Variants in TJP3 observed in about 807,000 individuals in gnomAD.
The protein encoded by TJP3 is tight junction protein 3.
In TJP3, 85 loss-of-function variants were observed where a neutral mutation model predicts 104.2. The ratio of observed to expected loss-of-function variants is 0.82; its 90% CI spans 0.68 to 0.98. TJP3 has a LOEUF of 0.98. Ranked by LOEUF, TJP3 falls within the 50% of genes least tolerant of loss-of-function variation. The probability of loss-of-function intolerance (pLI) is 0.00; values close to 1 mark genes in which losing one functional copy is unlikely to be tolerated. For missense variants in TJP3, 1,367 were observed against 1,322.8 expected, an observed-to-expected ratio of 1.03 and a Z score of -0.52; for synonymous variants, 550 against 550.6, an observed-to-expected ratio of 1.00 and a Z score of 0.02.
rs113962242 is a variant in TJP3, at chr19:3,716,229, C to T, written c.-10+7668C>T. On this transcript the variant is annotated intron_variant, in intron 1 of 20. Coordinates refer to ENST00000541714, the MANE Select transcript of TJP3 (RefSeq NM_001267560.2). ...CAGGGATTACAGGTGCCTGTCACTA[C>T]GCCCAGCTAATTTCTGTATTTTGAG... Among the ~76,000 whole-genome samples, 78 of 148,152 alleles carry T rather than the reference C, an allele frequency of 5.3e-4. 1 individual carries two copies. Among genetic ancestry groups the T allele is most frequent in the African/African-American group, 1.8e-3 (75 of 41,300 alleles).
In TJP3 at chr19:3,750,632, C is replaced by T. The variant is rs771758049; in HGVS notation, c.2708C>T (p.Ala903Val). The change falls in exon 21 of 21, where the codon GCG (alanine) becomes GTG (valine). Residue 903 changes from alanine (A) to valine (V), a missense_variant. Transcript: ENST00000541714. ...AAAAAGTTTATGCGAGTACATGATG[C>T]GGAGTCCTCCGATGAAGACGGCTAT... Reference protein sequence around the residue: ...LKKKFMRVHDAESSDEDGYDW... With the variant: ...LKKKFMRVHDVESSDEDGYDW... 66 of 1,608,556 alleles carry T rather than the reference C, an allele frequency of 4.1e-5. No individual in the cohort carries two copies. The highest frequency in any genetic ancestry group is 1.4e-4 in the Admixed American group (8 of 59,102).
intron 19 of TJP3, among the ~76,000 whole-genome samples, chr19:3,749,322 CCTAT>C (rs2036957358): frequency 6.6e-6 from 1 of 151,988 alleles, no homozygotes; most frequent in Non-Finnish European, 1.5e-5. Flanking sequence ...TTGAACTTGA[CCTAT>C]CTAATTTATA....
chr19:3,724,590 G>C (rs955604694), intron 1 of TJP3, among the ~76,000 whole-genome samples: 7 of 152,190 alleles, frequency 4.6e-5, no homozygotes, highest in African/African-American at 1.4e-4. Flanking sequence ...AGGCTGGAGT[G>C]CAGAGGCACG....
chr19:3,715,202 G>A (rs2036466330), intron 1 of TJP3, among the ~76,000 whole-genome samples: 1 of 151,426 alleles, frequency 6.6e-6, no homozygotes, highest in African/African-American at 2.4e-5. Context: ...CCATTCTCCT[G>A]CCTCAGCCTC....
chr19:3,738,471 T>A (rs1186979822), intron 11 of TJP3, 84 bp from the exon 12 acceptor site: 2 of 1,251,068 alleles, frequency 1.6e-6, no homozygotes, highest in Non-Finnish European at 2.3e-6. Flanking sequence ...TGGGGCTGAG[T>A]TTTGCCCAGA....
At position 3,750,769 on chromosome 19, in the gene TJP3, A is replaced by T; in HGVS notation, c.*85A>T. Reference sequence around the variant, plus strand: ...TTTCCCATACAGAACCCACAACCTTACCTCCCTCCGCCTGGTCTTTAATAA... The same window carrying T: ...TTTCCCATACAGAACCCACAACCTTTCCTCCCTCCGCCTGGTCTTTAATAA... On this transcript the variant is annotated 3_prime_UTR_variant, in exon 21 of 21. Coordinates refer to ENST00000541714, the MANE Select transcript of TJP3 (RefSeq NM_001267560.2). 1 of 1,201,702 alleles carries T rather than the reference A, an allele frequency of 8.3e-7. No homozygotes were observed. Among genetic ancestry groups the T allele is most frequent in the Non-Finnish European group, 1.2e-6 (1 of 834,392 alleles). The allele number at this position is 1,201,702 out of a possible 1,614,324, so 74.4% of individuals were successfully genotyped here. A position where few individuals can be genotyped will look rare whatever the true frequency, so the allele number is the denominator to read the frequency against.
intron 1 of TJP3, chr19:3,721,693 G>C (rs925626362): frequency 2.7e-6 from 1 of 364,044 alleles, no homozygotes; most frequent in Non-Finnish European, 4.9e-6. Flanking sequence ...TCTGGGCAGG[G>C]GCGGGGCTGA....
At chr19:3,710,039 C>T (rs927012026) in intron 1 of TJP3, among the ~76,000 whole-genome samples, 3 of 151,392 alleles carry the variant, frequency 2.0e-5, no homozygotes, top group African/African-American at 2.4e-5. Flanking sequence ...ATCCCAGCTA[C>T]TCCGGAGGCT....
chr19:3,735,735 A>G (rs2036729832), intron 9 of TJP3, 96 bp downstream of exon 9: 13 of 1,586,562 alleles, frequency 8.2e-6, no homozygotes, highest in Non-Finnish European at 1.0e-5. Flanking sequence ...GCCTGAGCCT[A>G]AGTGGTGAGA....
At position 3,730,792 on chromosome 19, in the gene TJP3, T is replaced by C; in HGVS notation, c.613+86T>C. ...GGGCGACGGTTTCAAGTGATTCTCC[T>C]GCCTCAGCCTCCCTGGTGGCTGGGA... On this transcript the variant is annotated intron_variant, in intron 5 of 20. Transcript: ENST00000541714. The surrounding 1 kb of genome is among the most constrained non-coding windows in gnomAD (Gnocchi z 7.3). The C allele has an allele frequency of 7.2e-7, 1 of 1,394,364 alleles. No individual in the cohort carries two copies. Among genetic ancestry groups the C allele is most frequent in the African/African-American group, 1.5e-5 (1 of 67,728 alleles). The allele number at this position is 1,394,364 out of a possible 1,614,324, so 86.4% of individuals were successfully genotyped here.
chr19:3,747,192 C>T (rs1424101280), intron 18 of TJP3, among the ~76,000 whole-genome samples: 1 of 151,904 alleles, frequency 6.6e-6, no homozygotes. Context: ...TCCCGAGTAG[C>T]TGGGACTACA....
rs2036561152 is a variant in TJP3, at chr19:3,723,172, G to C, written c.-9-5252G>C. 1.3e-5 allele frequency among the ~76,000 whole-genome samples: 2 copies of C among 152,202 alleles called. 1 individual carries two copies. The highest frequency in any genetic ancestry group is 4.1e-4 in the South Asian group (2 of 4,830). On this transcript the variant is annotated intron_variant, in intron 1 of 20. Transcript: ENST00000541714. ...CCAGGGGCCCATCCCTGCCCATCGG[G>C]AGCGCTCAGACTGAGGGGGAAGGTG...
At chr19:3,733,317 T>G (rs910206163) in intron 6 of TJP3, among the ~76,000 whole-genome samples, 26 of 152,200 alleles carry the variant, frequency 1.7e-4, no homozygotes, top group Admixed American at 1.4e-3. Flanking sequence ...ATTACAGGCG[T>G]GAGCCACCGC....
At chr19:3,716,017 G>A (rs1303793761) in intron 1 of TJP3, among the ~76,000 whole-genome samples, 2 of 151,724 alleles carry the variant, frequency 1.3e-5, no homozygotes, top group Non-Finnish European at 2.9e-5. Flanking sequence ...GACCTCACGT[G>A]ATCCACCCAC....
intron 6 of TJP3, among the ~76,000 whole-genome samples, chr19:3,732,756 C>T (rs7252411): frequency 2.6e-5 from 4 of 151,512 alleles, no homozygotes; most frequent in Admixed American, 6.6e-5. Flanking sequence ...TGATCCCCCC[C>T]GCTCGGCCTC....
At chr19:3,713,184 T>A (rs146666008) in intron 1 of TJP3, among the ~76,000 whole-genome samples, 2 of 152,214 alleles carry the variant, frequency 1.3e-5, no homozygotes, top group Admixed American at 6.5e-5. Context: ...GAATCTGCCC[T>A]TCCTCAAAGG....
intron 15 of TJP3, among the ~76,000 whole-genome samples, chr19:3,745,679 C>T (rs2036877805): frequency 6.6e-6 from 1 of 152,138 alleles, no homozygotes; most frequent in Non-Finnish European, 1.5e-5. Context: ...TCTGGGAGAG[C>T]CAGGGGCTGC....
chr19:3,732,072 G>A, intron 6 of TJP3, 34 bp downstream of exon 6: 4 of 1,588,544 alleles, frequency 2.5e-6, no homozygotes, highest in Non-Finnish European at 3.4e-6. Flanking sequence ...AGAGCAGGGA[G>A]ACAAGGCAGG....
chr19:3,712,758 G>A (rs954285360), intron 1 of TJP3, among the ~76,000 whole-genome samples: 7 of 151,798 alleles, frequency 4.6e-5, no homozygotes, highest in Admixed American at 1.3e-4. Context: ...AGACAGGTCC[G>A]GGCAACATAG....
Sources: gnomAD v4.1 joint callset for allele counts (sites outside exome capture counted in the v4.1 genomes callset) on GRCh38, gnomAD v4.1.1 for gene constraint, Gnocchi (gnomAD v3.1) non-coding constraint, MANE v1.5 for transcripts, NCBI Gene and HGNC (gene_info 2026-07-23, HGNC 2026-07-21) for gene names.